ADAMTS17: variants seen among roughly 807,000 people sequenced by gnomAD.
ADAMTS17 encodes the protein ADAM metallopeptidase with thrombospondin type 1 motif 17, also known as A disintegrin and metalloproteinase with thrombospondin motifs 17.
In ADAMTS17, 113 loss-of-function variants were observed where a neutral mutation model predicts 141.5. The observed-to-expected ratio is 0.80, with a 90% CI of 0.69 to 0.93. The LOEUF is 0.93. ADAMTS17 is among the 40% of genes least tolerant of loss of function. The pLI is 0.00. For missense variants in ADAMTS17, 1,659 were observed against 1,517.9 expected, an observed-to-expected ratio of 1.09 and a Z score of -1.54; for synonymous variants, 768 against 630.6, an observed-to-expected ratio of 1.22 and a Z score of -3.27.
At chr15:100,173,964 G>A (rs749448284) in intron 8 of ADAMTS17, among the ~76,000 whole-genome samples, 1 of 152,192 alleles carries the variant, frequency 6.6e-6, no homozygotes, top group Non-Finnish European at 1.5e-5. Context: ...CAGAGCCGCA[G>A]CTTTCTCCTA....
intron 18 of ADAMTS17, among the ~76,000 whole-genome samples, chr15:99,999,758 G>A (rs1411217777): frequency 6.6e-6 from 1 of 152,156 alleles, no homozygotes; most frequent in Non-Finnish European, 1.5e-5. Context: ...CAGAGAGGAG[G>A]CTCCTACGGC....
chr15:100,250,214 T>G (rs765101232), intron 7 of ADAMTS17, among the ~76,000 whole-genome samples: 9 of 152,216 alleles, frequency 5.9e-5, no homozygotes, highest in Non-Finnish European at 1.3e-4. Flanking sequence ...TACATATATG[T>G]GAGCTGCACC....
At chr15:100,130,414 C>T (rs112246821) in intron 12 of ADAMTS17, among the ~76,000 whole-genome samples, 8 of 152,178 alleles carry the variant, frequency 5.3e-5, no homozygotes, top group South Asian at 2.1e-4. Context: ...CTATGTGCCC[C>T]GCACTCTGCT....
intron 15 of ADAMTS17, among the ~76,000 whole-genome samples, chr15:100,093,623 C>A (rs1035339103): frequency 2.1e-4 from 32 of 152,084 alleles, no homozygotes; most frequent in Non-Finnish European, 4.6e-4. Flanking sequence ...CCCCTACCCC[C>A]ACTATCAGCT....
intron 15 of ADAMTS17, among the ~76,000 whole-genome samples, chr15:100,068,832 A>C (rs1175900062): frequency 6.6e-6 from 1 of 152,226 alleles, no homozygotes; most frequent in Admixed American, 6.5e-5. Context: ...GAAACTCTAA[A>C]AATCAGAGCA....
At chr15:100,108,956 G>A in intron 14 of ADAMTS17, 33 bp downstream of exon 14, 1 of 1,612,424 alleles carries the variant, frequency 6.2e-7, no homozygotes, top group Non-Finnish European at 8.5e-7. Flanking sequence ...CCTCTCCAAA[G>A]CCCCACCAAG....
rs1265939266 is a variant in ADAMTS17, at chr15:99,974,236, A to G, written c.*166T>C. The G allele has an allele frequency of 1.2e-6, 1 of 806,170 alleles. No homozygotes were observed. Among genetic ancestry groups the G allele is most frequent in the South Asian group, 1.6e-5 (1 of 62,428 alleles). 49.9% of individuals were successfully genotyped at this position (806,170 alleles called of 1,614,324 possible). On this transcript the variant is annotated 3_prime_UTR_variant, in exon 22 of 22. Transcript: ENST00000268070. ...GCCAGCCAGTGGCTGTTAACAATATATTAAGTACGGAAGCACTAATGGCAA... is the reference window on the plus strand; with the variant it reads ...GCCAGCCAGTGGCTGTTAACAATATGTTAAGTACGGAAGCACTAATGGCAA...
intron 11 of ADAMTS17, among the ~76,000 whole-genome samples, chr15:100,133,006 T>G (rs1055542084): frequency 1.3e-5 from 2 of 152,336 alleles, no homozygotes; most frequent in Middle Eastern, 3.4e-3. Flanking sequence ...AAATATTAAG[T>G]AAATGATACT....
chr15:100,174,042 C>T (rs1157631902), intron 8 of ADAMTS17, among the ~76,000 whole-genome samples: 1 of 152,250 alleles, frequency 6.6e-6, no homozygotes. Flanking sequence ...CTGGAAAACA[C>T]AGATCAAGCC....
At chr15:100,165,533 A>C (rs1004336504) in intron 8 of ADAMTS17, among the ~76,000 whole-genome samples, 6 of 152,222 alleles carry the variant, frequency 3.9e-5, no homozygotes, top group African/African-American at 1.4e-4. Flanking sequence ...TGCTTAGAGC[A>C]TCCAAAAATG....
intron 8 of ADAMTS17, among the ~76,000 whole-genome samples, chr15:100,177,043 G>C (rs2040363576): frequency 6.6e-6 from 1 of 152,174 alleles, no homozygotes; most frequent in Admixed American, 6.5e-5. Context: ...TTCAAGTTTT[G>C]AGCTATTAAG....
chr15:100,340,985 A>G, intron 2 of ADAMTS17, 54 bp downstream of exon 2: 1 of 1,399,478 alleles, frequency 7.1e-7, no homozygotes, highest in Non-Finnish European at 9.4e-7. Context: ...CACGGCGACC[A>G]CTCTGCGTCG....
intron 15 of ADAMTS17, among the ~76,000 whole-genome samples, chr15:100,055,570 G>A (rs1316145824): frequency 6.6e-6 from 1 of 152,100 alleles, no homozygotes; most frequent in Non-Finnish European, 1.5e-5. Context: ...CGTATCCAGG[G>A]TGGCTATGAG....
At chr15:100,275,372 A>AGG (rs2044046382) in intron 4 of ADAMTS17, among the ~76,000 whole-genome samples, 1 of 152,232 alleles carries the variant, frequency 6.6e-6, no homozygotes, top group Non-Finnish European at 1.5e-5. Context: ...GCCTAGTGAC[A>AGG]AAGTTCCAAT....
At chr15:100,099,181 G>C (rs2035946623) in intron 14 of ADAMTS17, among the ~76,000 whole-genome samples, 1 of 152,164 alleles carries the variant, frequency 6.6e-6, no homozygotes, top group Non-Finnish European at 1.5e-5. Context: ...CCATCCAGGG[G>C]CTGGGACAGG....
At chr15:100,021,805 CCTCCCAGG>C (rs2061411887) in intron 18 of ADAMTS17, among the ~76,000 whole-genome samples, 1 of 152,156 alleles carries the variant, frequency 6.6e-6, no homozygotes, top group Non-Finnish European at 1.5e-5. Flanking sequence ...TGTGCTCCTC[CCTCCCAGG>C]CTGTTGGCTG....
chr15:100,063,435 C>T (rs1446454577), intron 15 of ADAMTS17, among the ~76,000 whole-genome samples: 1 of 152,170 alleles, frequency 6.6e-6, no homozygotes, highest in East Asian at 1.9e-4. Flanking sequence ...GATCCTCCTT[C>T]CTGTCCCAAG....
At chr15:100,059,348 G>T (rs769811492) in intron 15 of ADAMTS17, among the ~76,000 whole-genome samples, 15 of 152,008 alleles carry the variant, frequency 9.9e-5, no homozygotes, top group African/African-American at 3.2e-4. Flanking sequence ...GAGCCTGCAC[G>T]CCTCTCCTCG....
At chr15:100,183,914 A>T (rs116014828) in intron 8 of ADAMTS17, among the ~76,000 whole-genome samples, 4 of 151,976 alleles carry the variant, frequency 2.6e-5, no homozygotes, top group Non-Finnish European at 5.9e-5. Flanking sequence ...GCTGCTGGTG[A>T]TATCTGTGGG....
Sources: gnomAD v4.1 joint callset for allele counts (sites outside exome capture counted in the v4.1 genomes callset) on GRCh38, gnomAD v4.1.1 for gene constraint, MANE v1.5 for transcripts, NCBI Gene and HGNC (gene_info 2026-07-23, HGNC 2026-07-21) for gene names.